The following MACROD2 variants were observed in gnomAD, a reference collection of about 807,000 sequenced individuals.
MACROD2 encodes ADP-ribose glycohydrolase MACROD2.
In MACROD2, 36 loss-of-function variants were observed where a neutral mutation model predicts 70.4. The ratio of observed to expected loss-of-function variants is 0.51; its 90% confidence interval spans 0.39 to 0.68. MACROD2 has a LOEUF of 0.68. Among genes scored for constraint, MACROD2 ranks in the 30% least tolerant of loss-of-function variants. The pLI, the probability that MACROD2 is intolerant of heterozygous loss-of-function variation, is 0.00. For synonymous variants in MACROD2, 172 were observed against 178.8 expected (o/e 0.96, Z 0.30); for missense variants, 496 against 538.4 (o/e 0.92, Z 0.78).
chr20:14,768,443 T>C (rs1404417911), intron 5 of MACROD2, among the ~76,000 whole-genome samples: 1 of 152,086 alleles, frequency 6.6e-6, no homozygotes, highest in Admixed American at 6.5e-5. Context: ...AGTTGGACTG[T>C]GTGTAATCTT....
chr20:15,181,692 C>T (rs1238389698), intron 5 of MACROD2, among the ~76,000 whole-genome samples: 2 of 152,050 alleles, frequency 1.3e-5, no homozygotes, highest in Non-Finnish European at 2.9e-5. Flanking sequence ...TATTTTAGTA[C>T]TTTCTAGGAA....
intron 6 of MACROD2, among the ~76,000 whole-genome samples, chr20:15,351,466 A>G (rs779884971): frequency 6.6e-6 from 1 of 152,196 alleles, no homozygotes; most frequent in African/African-American, 2.4e-5. Flanking sequence ...GTGTTGTTAC[A>G]TATCAATTCC....
intron 5 of MACROD2, chr20:15,197,131 T>A: frequency 4.3e-6 from 2 of 469,520 alleles, no homozygotes; most frequent in Middle Eastern, 1.1e-3. Flanking sequence ...CTGTTCCCCA[T>A]ATATGAGTGA....
chr20:15,127,406 T>G (rs1247378404), intron 5 of MACROD2, among the ~76,000 whole-genome samples: 1 of 152,142 alleles, frequency 6.6e-6, no homozygotes, highest in African/African-American at 2.4e-5. Flanking sequence ...CAAACTTAGT[T>G]GCTGAAAATA....
intron 7 of MACROD2, among the ~76,000 whole-genome samples, chr20:15,492,097 G>C (rs1471220077): frequency 6.6e-6 from 1 of 152,188 alleles, no homozygotes; most frequent in Admixed American, 6.5e-5. Flanking sequence ...AATAGGGGCA[G>C]TGTCACTCTT....
At chr20:14,939,092 A>T (rs1568887065) in intron 5 of MACROD2, among the ~76,000 whole-genome samples, 1 of 151,894 alleles carries the variant, frequency 6.6e-6, no homozygotes. Flanking sequence ...GCTGTGCAGA[A>T]TCTTTAGCTT....
At chr20:14,242,984 T>C (rs1173757650) in intron 3 of MACROD2, among the ~76,000 whole-genome samples, 4 of 152,216 alleles carry the variant, frequency 2.6e-5, no homozygotes, top group Admixed American at 6.5e-5. Flanking sequence ...ACCAAGATCA[T>C]AATACCTTCT....
chr20:14,775,016 T>A (rs2072216016), intron 5 of MACROD2, among the ~76,000 whole-genome samples: 1 of 152,140 alleles, frequency 6.6e-6, no homozygotes, highest in Non-Finnish European at 1.5e-5. Flanking sequence ...TCACAAACAT[T>A]TGATTCTGTA....
At chr20:15,182,774 T>G (rs1021566026) in intron 5 of MACROD2, among the ~76,000 whole-genome samples, 1 of 152,194 alleles carries the variant, frequency 6.6e-6, no homozygotes, top group African/African-American at 2.4e-5. Context: ...CTTTACTCAT[T>G]CATTTAATCT....
At chr20:14,661,546 T>C (rs2123535232) in intron 4 of MACROD2, among the ~76,000 whole-genome samples, 1 of 152,310 alleles carries the variant, frequency 6.6e-6, no homozygotes, top group South Asian at 2.1e-4. Flanking sequence ...GCAGAAGCTC[T>C]GTAGTTTAAT....
At chr20:15,403,050 T>A (rs2045951021) in intron 6 of MACROD2, among the ~76,000 whole-genome samples, 1 of 152,080 alleles carries the variant, frequency 6.6e-6, no homozygotes, top group African/African-American at 2.4e-5. Context: ...CATTGCAACC[T>A]CCACCTCCTG....
At chr20:14,627,277 T>C (rs1176751993) in intron 4 of MACROD2, among the ~76,000 whole-genome samples, 1 of 152,166 alleles carries the variant, frequency 6.6e-6, no homozygotes, top group African/African-American at 2.4e-5. Flanking sequence ...ATTCTCTCAA[T>C]GGGAATTGGC....
chr20:16,039,743 GTAT>G (rs1456611741), intron 15 of MACROD2, among the ~76,000 whole-genome samples: 3 of 151,854 alleles, frequency 2.0e-5, no homozygotes, highest in Non-Finnish European at 4.4e-5. Context: ...TGTGAGAAAG[GTAT>G]TATATAGTGT....
intron 8 of MACROD2, among the ~76,000 whole-genome samples, chr20:15,724,646 G>A (rs889749759): frequency 3.9e-5 from 6 of 152,018 alleles, no homozygotes; most frequent in Non-Finnish European, 8.8e-5. Context: ...TGATCTATTT[G>A]TATATTTTTT....
chr20:15,437,310 T>C (rs907666539), intron 7 of MACROD2, among the ~76,000 whole-genome samples: 2 of 152,122 alleles, frequency 1.3e-5, no homozygotes, highest in African/African-American at 4.8e-5. Context: ...CACATGTACA[T>C]GATCTGATGA....
At chr20:15,671,369 G>T (rs766836369) in intron 8 of MACROD2, among the ~76,000 whole-genome samples, 16 of 152,086 alleles carry the variant, frequency 1.1e-4, no homozygotes, top group Non-Finnish European at 1.5e-4. Context: ...CCCACCTGTT[G>T]GTGGAAAGAT....
At chr20:14,051,168 A>G (rs2053561940) in intron 2 of MACROD2, among the ~76,000 whole-genome samples, 1 of 152,164 alleles carries the variant, frequency 6.6e-6, no homozygotes, top group Non-Finnish European at 1.5e-5. Flanking sequence ...ATGAAACACT[A>G]ATAATGGTTA....
chr20:15,998,282 A>G (rs192561672), intron 15 of MACROD2, among the ~76,000 whole-genome samples: 69 of 152,322 alleles, frequency 4.5e-4, no homozygotes, highest in South Asian at 1.2e-3. Context: ...TGTTTGGTAG[A>G]ATTCACCAAT....
intron 5 of MACROD2, among the ~76,000 whole-genome samples, chr20:14,722,057 A>G (rs929913217): frequency 3.3e-5 from 5 of 152,176 alleles, no homozygotes; most frequent in African/African-American, 1.2e-4. Context: ...AACAACCACA[A>G]AATTTCAGTG....
Sources: allele counts gnomAD v4.1 joint callset (sites outside exome capture counted in the v4.1 genomes callset), GRCh38; gene constraint gnomAD v4.1.1; transcripts MANE v1.5; gene names NCBI Gene and HGNC (gene_info 2026-07-23, HGNC 2026-07-21).